Variants in KCNQ1 observed in about 807,000 individuals in gnomAD.
KCNQ1 encodes the protein potassium voltage-gated channel subfamily KQT member 1.
In KCNQ1, 49 loss-of-function variants were observed where a neutral mutation model predicts 72.4. The ratio of observed to expected loss-of-function variants is 0.68; its 90% CI spans 0.54 to 0.86. The LOEUF (loss-of-function observed/expected upper bound fraction) is 0.86. Ranked by LOEUF, KCNQ1 falls within the 40% of genes least tolerant of loss-of-function variation. KCNQ1 has a pLI of 0.00. For synonymous variants in KCNQ1, 450 were observed against 412.6 expected (o/e 1.09, Z -1.10); for missense variants, 790 against 945.1 (o/e 0.84, Z 2.15).
intron 11 of KCNQ1, among the ~76,000 whole-genome samples, chr11:2,719,892 C>T (rs149170774): frequency 8.5e-4 from 130 of 152,336 alleles, no homozygotes; most frequent in African/African-American, 2.8e-3. Context: ...GACAGAAAGA[C>T]GGAAATGGAC....
chr11:2,628,763 C>A, intron 10 of KCNQ1: 2 of 398,348 alleles, frequency 5.0e-6, no homozygotes, highest in South Asian at 2.6e-4. Context: ...GGTTTCAGGT[C>A]ATATGTTTAA....
chr11:2,793,510 G>A (rs984793944), intron 15 of KCNQ1, among the ~76,000 whole-genome samples: 2 of 147,522 alleles, frequency 1.4e-5, no homozygotes, highest in African/African-American at 4.9e-5. Flanking sequence ...TGTGGTCCCG[G>A]CTGCTCAGCA....
rs12278906 is a variant in KCNQ1 at position 2,448,747 on chromosome 11, C to T, written c.386+3263C>T. Among the ~76,000 whole-genome samples the T allele has an allele frequency of 7.0e-3, 1,063 of 152,348 alleles. 9 individuals are homozygous for T. The highest frequency in any genetic ancestry group is 0.022 in the African/African-American group (924 of 41,582). On this transcript the variant is annotated intron_variant, in intron 1 of 15. Transcript: ENST00000155840. ...CTGGGAATTCCTTTTGGGGCTTTTC[C>T]CAGTGCTACCTTCTGTGGGGCATGA... is the stretch of plus-strand genomic sequence containing the variant.
At position 2,784,121 on chromosome 11, in the gene KCNQ1, G is replaced by T. The variant is rs1346910889; in HGVS notation, c.1794+6084G>T. On this transcript the variant is annotated intron_variant, in intron 15 of 15. Transcript: ENST00000155840. This position sits in a 1 kb window ranked among gnomAD's most constrained non-coding sequence, Gnocchi z 4.7. The stretch of plus-strand genomic sequence containing the variant: ...GTTTTGGGTTTTTTTCCTTCTAGAA[G>T]TTGTATAGAATTAGCTCTTACATTT... Among the ~76,000 whole-genome samples, 1 of 151,842 alleles carries T rather than the reference G, an allele frequency of 6.6e-6. No individual in the cohort carries two copies. Among genetic ancestry groups the T allele is most frequent in the Non-Finnish European group, 1.5e-5 (1 of 67,818 alleles).
intron 1 of KCNQ1, among the ~76,000 whole-genome samples, chr11:2,485,057 C>T (rs545778959): frequency 7.2e-5 from 11 of 152,272 alleles, no homozygotes; most frequent in South Asian, 2.1e-4. Context: ...GTGCACGGCG[C>T]GTCTTGTCTT....
intron 15 of KCNQ1, among the ~76,000 whole-genome samples, chr11:2,841,140 A>C (rs546632065): frequency 2.0e-5 from 3 of 152,162 alleles, no homozygotes; most frequent in African/African-American, 2.4e-5. Flanking sequence ...TGAGACGAGG[A>C]GGCCGCCCAG....
Position 2,787,608 on chromosome 11 carries a change from A to G in KCNQ1, c.1794+9571A>G, listed in dbSNP as rs989136177. ...AATAATATATTTTATTTAACCCAAT[A>G]GATCCAAAATATCATTTCAATATAT... On this transcript the variant is annotated intron_variant, in intron 15 of 15. Coordinates refer to ENST00000155840, the MANE Select transcript of KCNQ1 (RefSeq NM_000218.3). The surrounding 1 kb of genome is among the most constrained non-coding windows in gnomAD (Gnocchi z 6.3). Among the ~76,000 whole-genome samples the G allele has an allele frequency of 2.0e-4, 30 of 152,224 alleles. No homozygotes were observed. Among genetic ancestry groups the G allele is most frequent in the Non-Finnish European group, 3.5e-4 (24 of 68,044 alleles).
In KCNQ1 at chr11:2,664,298, T is replaced by C. The variant is rs1204345018; in HGVS notation, c.1514+2217T>C. On this transcript the variant is annotated intron_variant, in intron 11 of 15. Transcript: ENST00000155840. This position sits in a 1 kb window ranked among gnomAD's most constrained non-coding sequence, Gnocchi z 5.1. ...GCTGCAAAGGGGCCACCTTGAGGCA[T>C]TGTGTTCTGGTCAGGGAAGACTCAG... The C allele has an allele frequency of 7.5e-6, 3 of 398,884 alleles. No homozygotes were observed. Among genetic ancestry groups the C allele is most frequent in the African/African-American group, 2.1e-5 (1 of 48,604 alleles). The allele number at this position is 398,884 out of a possible 1,614,324, so 24.7% of individuals were successfully genotyped here.
At chr11:2,633,932 A>C in intron 10 of KCNQ1, 1 of 398,630 alleles carries the variant, frequency 2.5e-6, no homozygotes, top group Non-Finnish European at 4.4e-6. Context: ...TTGTTAGATT[A>C]TGGGGAAAAT....
In KCNQ1 at chr11:2,673,054, C is replaced by A. The variant is rs1417602027; in HGVS notation, c.1514+10973C>A. The A allele has an allele frequency of 2.5e-6, 1 of 398,700 alleles. No individual in the cohort carries two copies. The highest frequency in any genetic ancestry group is 4.4e-5 in the Admixed American group (1 of 22,722). The allele number at this position is 398,700 out of a possible 1,614,324, so 24.7% of individuals were successfully genotyped here. ...AGGGTCTAGGGCTGGCCAAAAGGGACAGTGAAGTTGGCTTCTCAGGCCACA... is the reference window on the plus strand; with the variant it reads ...AGGGTCTAGGGCTGGCCAAAAGGGAAAGTGAAGTTGGCTTCTCAGGCCACA... On this transcript the variant is annotated intron_variant, in intron 11 of 15. Coordinates refer to ENST00000155840, the MANE Select transcript of KCNQ1 (RefSeq NM_000218.3). The surrounding 1 kb of genome is among the most constrained non-coding windows in gnomAD (Gnocchi z 4.5).
chr11:2,776,294 G>A (rs1248700007), intron 13 of KCNQ1, among the ~76,000 whole-genome samples: 1 of 152,112 alleles, frequency 6.6e-6, no homozygotes, highest in Non-Finnish European at 1.5e-5. Context: ...TGAGATGATG[G>A]GGGAATTGGG....
chr11:2,706,383 A>T lies in KCNQ1; in HGVS notation c.1514+44302A>T, dbSNP rs549072494. ...AGGCCTCCTATAAATGGCCTCCTGT[A>T]TGAGCTTGGGAGTGGATCCTCCAGC... On this transcript the variant is annotated intron_variant, in intron 11 of 15. Transcript: ENST00000155840. Among the ~76,000 whole-genome samples, 16 of 152,322 alleles carry T rather than the reference A, an allele frequency of 1.1e-4. No homozygotes were observed. In the South Asian group the frequency reaches 1.7e-3, roughly 16 times the overall value.
At chr11:2,467,641 A>C (rs867542576) in intron 1 of KCNQ1, among the ~76,000 whole-genome samples, 1 of 152,114 alleles carries the variant, frequency 6.6e-6, no homozygotes, top group Admixed American at 6.5e-5. Flanking sequence ...TGTGCTGGAC[A>C]GGCTGCTGCC....
chr11:2,464,041 T>G lies in KCNQ1; in HGVS notation c.386+18557T>G, dbSNP rs1258567103. 6.6e-6 allele frequency among the ~76,000 whole-genome samples: 1 copy of G among 152,140 alleles called. No individual in the cohort carries two copies. The highest frequency in any genetic ancestry group is 2.4e-5 in the African/African-American group (1 of 41,428). On this transcript the variant is annotated intron_variant, in intron 1 of 15. Coordinates refer to ENST00000155840, the MANE Select transcript of KCNQ1 (RefSeq NM_000218.3). The surrounding 1 kb of genome is among the most constrained non-coding windows in gnomAD (Gnocchi z 5.0). ...GAGCAGGACTGTGGAAAATGGACACTGATGCTGCCCGGTGGATCCAGGCAG... is the reference window on the plus strand; with the variant it reads ...GAGCAGGACTGTGGAAAATGGACACGGATGCTGCCCGGTGGATCCAGGCAG...
intron 10 of KCNQ1, chr11:2,633,564 A>G (rs1849399488): frequency 2.5e-6 from 1 of 398,424 alleles, no homozygotes. Flanking sequence ...GAGATAGTAT[A>G]GTTTCATTCT....
chr11:2,574,670 C>T (rs1429245493), intron 6 of KCNQ1, among the ~76,000 whole-genome samples: 3 of 152,196 alleles, frequency 2.0e-5, no homozygotes, highest in South Asian at 2.1e-4. Flanking sequence ...GTGCCTCCTC[C>T]CTCCCCCTCA....
chr11:2,467,336 G>A (rs541817333), intron 1 of KCNQ1, among the ~76,000 whole-genome samples: 6 of 152,176 alleles, frequency 3.9e-5, no homozygotes, highest in Non-Finnish European at 7.4e-5. Flanking sequence ...TGGCTTCAAC[G>A]GTGTCGGCCT....
chr11:2,784,727 G>T lies in KCNQ1; in HGVS notation c.1794+6690G>T, dbSNP rs1210068402. On this transcript the variant is annotated intron_variant, in intron 15 of 15. Transcript: ENST00000155840. The surrounding 1 kb of genome is among the most constrained non-coding windows in gnomAD (Gnocchi z 4.7). ...TTTCAGTGATATTTTGCAGTTTGGG[G>T]CATATAAATTTGGTACTTCTTTTGT... Among the ~76,000 whole-genome samples, 1 of 151,790 alleles carries T rather than the reference G, an allele frequency of 6.6e-6. No individual in the cohort carries two copies. The highest frequency in any genetic ancestry group is 1.5e-5 in the Non-Finnish European group (1 of 67,766).
chr11:2,534,741 C>G (rs949117361), intron 2 of KCNQ1, among the ~76,000 whole-genome samples: 2 of 152,264 alleles, frequency 1.3e-5, no homozygotes, highest in Non-Finnish European at 2.9e-5. Flanking sequence ...CCGGTCCCCA[C>G]CACCCAGGCC....
Sources: gnomAD v4.1 joint callset for allele counts (sites outside exome capture counted in the v4.1 genomes callset) on GRCh38, gnomAD v4.1.1 for gene constraint, Gnocchi (gnomAD v3.1) non-coding constraint, MANE v1.5 for transcripts, NCBI Gene and HGNC (gene_info 2026-07-23, HGNC 2026-07-21) for gene names.